Variants in BCLAF3 observed in about 807,000 individuals in gnomAD.
BCLAF3 encodes the protein transient octamer binding factor 1.
BCLAF3 carries 24 observed loss-of-function variants against 51.2 expected under a neutral mutation model. The ratio of observed to expected loss-of-function variants is 0.47; its 90% CI spans 0.34 to 0.66. The LOEUF is 0.66. Among genes scored for constraint, BCLAF3 ranks in the 30% least tolerant of loss-of-function variants. The pLI is 0.01. For synonymous variants in BCLAF3, 152 were observed against 176.6 expected, an observed-to-expected ratio of 0.86 and a Z score of 1.10; for missense variants, 465 against 525.1, an observed-to-expected ratio of 0.89 and a Z score of 1.12.
intron 2 of BCLAF3, among the ~76,000 whole-genome samples, 187 bp from the exon 3 acceptor site, chrX:19,966,836 A>G (rs1338401184): frequency 9.0e-6 from 1 of 111,233 alleles, no homozygotes; most frequent in Non-Finnish European, 1.9e-5. Flanking sequence ...CTGCCCAACC[A>G]ACAAGCATAC....
At chrX:19,945,551 C>T (rs1482536636) in intron 8 of BCLAF3, among the ~76,000 whole-genome samples, 1 of 83,724 alleles carries the variant, frequency 1.2e-5, no homozygotes, top group Non-Finnish European at 2.1e-5. Flanking sequence ...TGTCAGTGTG[C>T]CCCTGCTGGG....
In BCLAF3 at chrX:19,937,421, G is replaced by C; in HGVS notation, c.1857C>G (p.Tyr619Ter). The C allele has an allele frequency of 1.8e-6, 2 of 1,096,412 alleles. No homozygotes were observed. The highest frequency in any genetic ancestry group is 2.5e-6 in the Non-Finnish European group (2 of 796,012). The allele number at this position is 1,096,412 out of a possible 1,213,427, so 90.4% of individuals were successfully genotyped here. A position where few individuals can be genotyped will look rare whatever the true frequency, so the allele number is the denominator to read the frequency against. The change falls in exon 9 of 12, where the codon TAC (tyrosine) becomes TAG (stop). Residue 619 changes from tyrosine to a stop codon, truncating the protein, a stop_gained. Coordinates refer to ENST00000379682, the MANE Select transcript of BCLAF3 (RefSeq NM_001367774.2). LOFTEE classifies it high-confidence loss of function. The stretch of plus-strand genomic sequence containing the variant: ...AATTTTGGAACTGCAATCTTACCAT[G>C]TAAGGTTTTTCAATACATTTTCTAA... ...SNFRKCIEKPYMNYTTQRKDI... is the reference protein window; with the variant it reads ...SNFRKCIEKP
At chrX:19,967,795 A>G (rs1173547814) in intron 2 of BCLAF3, among the ~76,000 whole-genome samples, 1 of 112,147 alleles carries the variant, frequency 8.9e-6, no homozygotes, top group Non-Finnish European at 1.9e-5. Context: ...TTCGATGATA[A>G]GTCTGTGCCC....
In BCLAF3 at chrX:19,940,142, C is replaced by T. The variant is rs187510193; in HGVS notation, c.1746-2610G>A. The stretch of plus-strand genomic sequence containing the variant: ...AAATCCTTTGATATTTGATTTTTGA[C>T]CAGGCAAATGAATGCTCAGATTAAA... On this transcript the variant is annotated intron_variant, in intron 8 of 11. Coordinates refer to ENST00000379682, the MANE Select transcript of BCLAF3 (RefSeq NM_001367774.2). Among the ~76,000 whole-genome samples, 146 of 111,980 alleles carry T rather than the reference C, an allele frequency of 1.3e-3. 2 individuals are homozygous for T. Among genetic ancestry groups the T allele is most frequent in the Admixed American group, 5.4e-3 (57 of 10,606 alleles).
chrX:19,957,756 T>C (rs2071717658), intron 4 of BCLAF3, among the ~76,000 whole-genome samples: 2 of 111,873 alleles, frequency 1.8e-5, no homozygotes, highest in Admixed American at 1.9e-4. Flanking sequence ...ACAAGATCTT[T>C]AATAAAAAAT....
chrX:19,953,726 T>C, intron 6 of BCLAF3, 52 bp downstream of exon 6: 1 of 997,040 alleles, frequency 1.0e-6, no homozygotes, highest in Non-Finnish European at 1.4e-6. Context: ...AAATCTTTTC[T>C]GAGGTATATC....
intron 4 of BCLAF3, 57 bp downstream of exon 4, chrX:19,964,987 C>A: frequency 1.0e-6 from 1 of 985,543 alleles, no homozygotes; most frequent in Non-Finnish European, 1.4e-6. Context: ...TTTGAAGCTG[C>A]AAATAAAGAT....
intron 8 of BCLAF3, among the ~76,000 whole-genome samples, chrX:19,950,469 T>C: frequency 8.9e-6 from 1 of 112,271 alleles, no homozygotes; most frequent in Non-Finnish European, 1.9e-5. Flanking sequence ...AACTTGCTGG[T>C]CCTGCCTCCT....
At chrX:19,931,277 A>C (rs1347853934) in intron 10 of BCLAF3, among the ~76,000 whole-genome samples, 1 of 111,336 alleles carries the variant, frequency 9.0e-6, no homozygotes, top group East Asian at 2.8e-4. Context: ...AAATCTTCCC[A>C]AACAATTCTC....
At chrX:19,963,678 T>C (rs2071941671) in intron 4 of BCLAF3, among the ~76,000 whole-genome samples, 1 of 111,158 alleles carries the variant, frequency 9.0e-6, no homozygotes, top group Non-Finnish European at 1.9e-5. Flanking sequence ...GCAATGAATG[T>C]AAAAGAACTA....
At chrX:19,989,842 T>C (rs1417708265) in intron 1 of BCLAF3, among the ~76,000 whole-genome samples, 1 of 111,155 alleles carries the variant, frequency 9.0e-6, no homozygotes, top group Non-Finnish European at 1.9e-5. Context: ...TATATAAAAA[T>C]GTTTCTAATA....
chrX:19,966,461 C>G lies in BCLAF3; in HGVS notation c.230G>C (p.Arg77Thr), dbSNP rs1201121562. 1 of 1,209,434 alleles carries G rather than the reference C, an allele frequency of 8.3e-7. No individual in the cohort carries two copies. The highest frequency in any genetic ancestry group is 3.0e-5 in the East Asian group (1 of 33,764). ...GNIYYQSYEH[R>T]SPSPNIRNSL... is the part of the protein sequence containing the mutation. ...GTTTCTTATGTTAGGGGAAGGTGATCTATGTTCATAAGACTGGTAATATAT... is the reference window on the plus strand; with the variant it reads ...GTTTCTTATGTTAGGGGAAGGTGATGTATGTTCATAAGACTGGTAATATAT... The change falls in exon 3 of 12, where the codon AGA becomes ACA. Residue 77 changes from arginine (R) to threonine (T), a missense_variant. Coordinates refer to ENST00000379682, the MANE Select transcript of BCLAF3 (RefSeq NM_001367774.2).
Position 19,929,869 on chromosome X carries a change from C to T in BCLAF3, c.2022G>A (p.Gln674=), listed in dbSNP as rs1168815484. 8.3e-7 allele frequency: 1 copy of T among 1,210,536 alleles called. No homozygotes were observed. Among genetic ancestry groups the T allele is most frequent in the East Asian group, 3.0e-5 (1 of 33,797 alleles). ...TGAACCGTAAACGCTGATACTTAGC[C>T]TGAATGTACAAGCTCTTCTGTACCA... ...SGLVQKSLYI[Q]AKYQRLRFTG... The change falls in exon 11 of 12, where the codon CAG becomes CAA. Residue 674 remains glutamine (Q), a synonymous_variant. Coordinates refer to ENST00000379682, the MANE Select transcript of BCLAF3 (RefSeq NM_001367774.2).
chrX:19,989,460 C>T (rs1216691299), intron 1 of BCLAF3, among the ~76,000 whole-genome samples: 1 of 112,141 alleles, frequency 8.9e-6, no homozygotes, highest in African/African-American at 3.2e-5. Flanking sequence ...CGTGCCACTA[C>T]ACTCCAGCCT....
intron 1 of BCLAF3, among the ~76,000 whole-genome samples, chrX:19,977,959 C>T (rs2072479765): frequency 9.0e-6 from 1 of 110,709 alleles, no homozygotes. Context: ...AGTGACAGCA[C>T]ATCTGTTTAC....
At chrX:19,923,072 AAC>A (rs1215497355) in intron 11 of BCLAF3, 1 of 111,895 alleles carries the variant, frequency 8.9e-6, no homozygotes, top group Non-Finnish European at 1.9e-5. Flanking sequence ...AATATAATGC[AAC>A]AGTTTTAAGA....
intron 1 of BCLAF3, among the ~76,000 whole-genome samples, chrX:19,974,781 T>C (rs1456222004): frequency 9.1e-6 from 1 of 109,791 alleles, no homozygotes; most frequent in East Asian, 2.8e-4. Flanking sequence ...ACTCGGGAGG[T>C]TGAGGCAGGA....
chrX:19,989,728 GA>G (rs199583255), intron 1 of BCLAF3, among the ~76,000 whole-genome samples: 1,997 of 111,545 alleles, frequency 0.018, 56 homozygotes, highest in African/African-American at 0.063. Context: ...TTGGAATGGG[GA>G]AACCATATTC....
chrX:19,929,912 G>T lies in BCLAF3; in HGVS notation c.1979C>A (p.Pro660His). ...KSNFRGGRCQPNYKSGLVQKS... is the reference protein window; with the variant it reads ...KSNFRGGRCQHNYKSGLVQKS... ...CTGTACCAGGCCTGATTTATAATTG[G>T]GCTGGCATCTGCCACCTCTAAAGTT... The change falls in exon 11 of 12, where the codon CCC becomes CAC. Residue 660 changes from proline (P) to histidine (H), a missense_variant. Pro to His is a moderately conservative substitution (Grantham distance 77). Coordinates refer to ENST00000379682, the MANE Select transcript of BCLAF3 (RefSeq NM_001367774.2). 8.3e-7 allele frequency: 1 copy of T among 1,207,389 alleles called. No homozygotes were observed. Among genetic ancestry groups the T allele is most frequent in the Non-Finnish European group, 1.1e-6 (1 of 894,020 alleles).
Sources: gnomAD v4.1 joint callset for allele counts (sites outside exome capture counted in the v4.1 genomes callset) on GRCh38, gnomAD v4.1.1 for gene constraint, MANE v1.5 for transcripts, NCBI Gene and HGNC (gene_info 2026-07-23, HGNC 2026-07-21) for gene names.